NUP98: variants seen among roughly 807,000 people sequenced by gnomAD.
The protein encoded by NUP98 is nucleoporin 98 and 96 precursor, also known as nuclear pore complex protein Nup98-Nup96.
NUP98 carries 26 observed loss-of-function variants against 191.9 expected under a neutral mutation model. The observed-to-expected ratio is 0.14, with a 90% confidence interval of 0.10 to 0.19. The LOEUF (loss-of-function observed/expected upper bound fraction) is 0.19. NUP98 is among the 10% of genes least tolerant of loss of function. The probability of loss-of-function intolerance (pLI) is 1.00; values close to 1 mark genes in which losing one functional copy is unlikely to be tolerated. For synonymous variants in NUP98, 808 were observed against 778.4 expected, an observed-to-expected ratio of 1.04 and a Z score of -0.63; for missense variants, 1,941 against 2,178.8, an observed-to-expected ratio of 0.89 and a Z score of 2.17.
At chr11:3,740,823 TA>T (rs201817076) in intron 12 of NUP98, among the ~76,000 whole-genome samples, 293 of 146,298 alleles carry the variant, frequency 2.0e-3, no homozygotes, top group Middle Eastern at 3.6e-3. Context: ...TATATATATA[TA>T]TTTTTTTTTT....
At chr11:3,704,989 C>G (rs536935000) in intron 22 of NUP98, among the ~76,000 whole-genome samples, 57 of 152,346 alleles carry the variant, frequency 3.7e-4, no homozygotes, top group Non-Finnish European at 5.9e-4. Context: ...GTCTGTGCAA[C>G]AGAGAGAGAC....
At chr11:3,760,500 T>G in intron 10 of NUP98, 39 bp downstream of exon 10, 1 of 1,614,086 alleles carries the variant, frequency 6.2e-7, no homozygotes, top group Non-Finnish European at 8.5e-7. Context: ...AAATTAGAAG[T>G]GTTTGTATTG....
chr11:3,781,452 C>G (rs373991572), intron 2 of NUP98: 14 of 44,822 alleles, frequency 3.1e-4, no homozygotes, highest in African/African-American at 1.1e-3. Context: ...CACCAGGAAA[C>G]AAAATTTTTT....
intron 11 of NUP98, among the ~76,000 whole-genome samples, chr11:3,752,422 G>A (rs928044028): frequency 7.2e-5 from 11 of 151,768 alleles, no homozygotes; most frequent in African/African-American, 2.4e-4. Context: ...AAGGCTGAGG[G>A]AGGAGAATTG....
chr11:3,796,417 G>C (rs995583906), intron 1 of NUP98, among the ~76,000 whole-genome samples: 1 of 152,186 alleles, frequency 6.6e-6, no homozygotes, highest in African/African-American at 2.4e-5. Context: ...GGGAAACAAT[G>C]GCTTGTAGTT....
intron 22 of NUP98, 22 bp from the exon 23 acceptor site, chr11:3,702,914 G>C: frequency 6.4e-7 from 1 of 1,571,772 alleles, no homozygotes; most frequent in Non-Finnish European, 8.7e-7. Context: ...CGGGAATGAA[G>C]GGGAGAAAGA....
At chr11:3,765,927 T>C (rs1038811747) in intron 8 of NUP98, among the ~76,000 whole-genome samples, 1 of 152,230 alleles carries the variant, frequency 6.6e-6, no homozygotes, top group Non-Finnish European at 1.5e-5. Context: ...GAAAAGACTA[T>C]TCTTTCCTCA....
Position 3,778,918 on chromosome 11 carries a change from A to T in NUP98, c.310T>A (p.Ser104Thr). The change falls in exon 4 of 33, where the codon TCC (serine) becomes ACC (threonine). Residue 104 changes from serine (S) to threonine (T), a missense_variant. Transcript: ENST00000324932. ...TASTGTSLFS[S>T]QNNAFAQNKP... is the part of the protein sequence containing the mutation. ...TTTTGTGCAAAGGCATTGTTTTGGG[A>T]TGAGAAGAGACTGGTCCCTGTGCTT... 1 of 1,614,200 alleles carries T rather than the reference A, an allele frequency of 6.2e-7. No homozygotes were observed. Among genetic ancestry groups the T allele is most frequent in the South Asian group, 1.1e-5 (1 of 91,086 alleles).
intron 16 of NUP98, among the ~76,000 whole-genome samples, chr11:3,722,816 AAAAC>A (rs1311121313): frequency 2.6e-5 from 4 of 152,296 alleles, no homozygotes; most frequent in East Asian, 1.9e-4. Flanking sequence ...GTCTCAAGAA[AAAAC>A]AAACAAACAA....
intron 21 of NUP98, among the ~76,000 whole-genome samples, chr11:3,705,811 T>C (rs1564825518): frequency 6.6e-6 from 1 of 152,004 alleles, no homozygotes; most frequent in Non-Finnish European, 1.5e-5. Context: ...GAAAAATCAG[T>C]ACTCACAGCT....
rs546834610 is a variant in NUP98 at position 3,724,967 on chromosome 11, C to T, written c.1847+136G>A. On this transcript the variant is annotated intron_variant, in intron 15 of 32. Coordinates refer to ENST00000324932, the MANE Select transcript of NUP98 (RefSeq NM_016320.5). Reference sequence around the variant, plus strand: ...AAAAGACAAAAATATGATTTGATTTCTAGGCGCTCATAAGCTTGTAATACT... The same window carrying T: ...AAAAGACAAAAATATGATTTGATTTTTAGGCGCTCATAAGCTTGTAATACT... 6 of 513,382 alleles carry T rather than the reference C, an allele frequency of 1.2e-5. No homozygotes were observed. In the South Asian group the frequency reaches 1.9e-4, roughly 16 times the overall value. 31.8% of individuals were successfully genotyped at this position (513,382 alleles called of 1,614,324 possible).
Position 3,725,178 on chromosome 11 carries a change from CTAT to C in NUP98, c.1769_1771del (p.Asn590del). ...ACGATTAACAGGAGAAAAGAGATTG[CTAT>C]TATTAAGGTTCTTCAAAACCAACTT... On this transcript the variant is annotated inframe_deletion, in exon 15 of 33. Coordinates refer to ENST00000324932, the MANE Select transcript of NUP98 (RefSeq NM_016320.5). 1 of 1,598,442 alleles carries C rather than the reference CTAT, an allele frequency of 6.3e-7. No individual in the cohort carries two copies. The highest frequency in any genetic ancestry group is 2.2e-5 in the East Asian group (1 of 44,686).
intron 20 of NUP98, among the ~76,000 whole-genome samples, chr11:3,709,053 T>A (rs914045595): frequency 1.6e-4 from 25 of 152,270 alleles, no homozygotes; most frequent in African/African-American, 6.0e-4. Context: ...AGGCTGCCAA[T>A]ACCTAACGAT....
intron 18 of NUP98, among the ~76,000 whole-genome samples, chr11:3,718,513 G>A (rs375657353): frequency 2.8e-4 from 43 of 151,992 alleles, no homozygotes; most frequent in African/African-American, 9.7e-4. Context: ...TCCAGCTTGG[G>A]CAAAGGAGTG....
At chr11:3,780,557 A>AAAAAAG (rs976302761) in intron 2 of NUP98, among the ~76,000 whole-genome samples, 37 of 140,448 alleles carry the variant, frequency 2.6e-4, no homozygotes, top group African/African-American at 7.8e-4. Flanking sequence ...AAAAAAAAAA[A>AAAAAAG]AAAAAGAAAA....
At chr11:3,711,718 T>C (rs2079027019) in intron 20 of NUP98, 2 of 417,192 alleles carry the variant, frequency 4.8e-6, no homozygotes, top group South Asian at 2.1e-4. Context: ...TTAGGGGCAT[T>C]CTAAATGCTA....
In NUP98 at chr11:3,702,580, G is replaced by C. The variant is rs752329342; in HGVS notation, c.3395C>G (p.Pro1132Arg). ...TCCACTATTAGCAAGAGTCCAGTTG[G>C]GGCCCCAACCAACACGAAATGAGCG... ...MGRSFRVGWG[P>R]NWTLANSGEQ... is the part of the protein sequence containing the mutation. Residue 1132 changes from proline to arginine, a missense_variant, in exon 23 of 33, where the codon CCC (proline) becomes CGC (arginine). Around this residue, in one of 6 missense-constraint regions of NUP98, gnomAD observed 1,030 missense variants for 1,115.8 expected, o/e 0.92. Transcript: ENST00000324932. 4 of 1,613,910 alleles carry C rather than the reference G, an allele frequency of 2.5e-6. No homozygotes were observed. Among genetic ancestry groups the C allele is most frequent in the East Asian group, 2.2e-5 (1 of 44,894 alleles).
At chr11:3,736,584 C>T (rs927853678) in intron 12 of NUP98, among the ~76,000 whole-genome samples, 21 of 152,150 alleles carry the variant, frequency 1.4e-4, no homozygotes, top group East Asian at 1.9e-4. Context: ...GCCGAGATCG[C>T]GCCACTGCAC....
intron 1 of NUP98, among the ~76,000 whole-genome samples, chr11:3,786,687 A>G (rs2082151052): frequency 6.6e-6 from 1 of 152,208 alleles, no homozygotes; most frequent in South Asian, 2.1e-4. Context: ...CTATACACTG[A>G]TATACTGTTT....
Sources: gnomAD v4.1 joint callset for allele counts (sites outside exome capture counted in the v4.1 genomes callset) on GRCh38, gnomAD v4.1.1 for gene constraint, gnomAD v4.1.1 regional missense constraint, MANE v1.5 for transcripts, NCBI Gene and HGNC (gene_info 2026-07-23, HGNC 2026-07-21) for gene names.